ZNF354B: variants seen among roughly 807,000 people sequenced by gnomAD.
The protein encoded by ZNF354B is zinc finger protein 354B.
Under a neutral mutation model 12.9 loss-of-function variants are expected in ZNF354B, and 10 were observed. The ratio of observed to expected loss-of-function variants is 0.77; its 90% CI spans 0.48 to 1.31. The LOEUF is 1.31. Among genes scored for constraint, ZNF354B ranks in the 40% most tolerant of loss-of-function variants. The pLI is 0.00. For missense variants in ZNF354B, 614 were observed against 711.7 expected, an observed-to-expected ratio of 0.86 and a Z score of 1.56; for synonymous variants, 260 against 243.7, an observed-to-expected ratio of 1.07 and a Z score of -0.62.
chr5:178,873,982 C>T (rs562652341), intron 4 of ZNF354B, among the ~76,000 whole-genome samples: 59 of 144,782 alleles, frequency 4.1e-4, no homozygotes, highest in Non-Finnish European at 6.4e-4. Context: ...TGGAGTCTCA[C>T]ACACTCTGCT....
Position 178,867,078 on chromosome 5 carries a change from G to T in ZNF354B, c.256+7G>T. On this transcript the variant is annotated splice_region_variant and intron_variant, in intron 4 of 4. Coordinates refer to ENST00000322434, the MANE Select transcript of ZNF354B (RefSeq NM_058230.3). The stretch of plus-strand genomic sequence containing the variant: ...TCTGGTGTCTCCTCTCTAGGTAAGT[G>T]GGTGGCCCGAGGTGCTCGGGAATGG... 6.2e-7 allele frequency: 1 copy of T among 1,612,002 alleles called. No homozygotes were observed. Among genetic ancestry groups the T allele is most frequent in the Non-Finnish European group, 8.5e-7 (1 of 1,179,296 alleles).
chr5:178,881,480 T>C (rs570742252), intron 4 of ZNF354B, among the ~76,000 whole-genome samples: 5 of 152,326 alleles, frequency 3.3e-5, no homozygotes, highest in African/African-American at 1.2e-4. Flanking sequence ...TGTTCAGATA[T>C]ACTTTAATGT....
chr5:178,867,460 G>T (rs897817731), intron 4 of ZNF354B, among the ~76,000 whole-genome samples: 1 of 152,226 alleles, frequency 6.6e-6, no homozygotes, highest in Non-Finnish European at 1.5e-5. Flanking sequence ...GGGCACAGTT[G>T]TAAGAGGTGG....
In ZNF354B at chr5:178,866,318, A is replaced by T; in HGVS notation, c.108A>T (p.Arg36Ser). 1 of 1,614,088 alleles carries T rather than the reference A, an allele frequency of 6.2e-7. No homozygotes were observed. Among genetic ancestry groups the T allele is most frequent in the Non-Finnish European group, 8.5e-7 (1 of 1,179,988 alleles). ...GGAGAAAGCTGGCTCCTTCTCAGAGAAACTTGTACCGGGATGTGATGCTGG... is the reference window on the plus strand; with the variant it reads ...GGAGAAAGCTGGCTCCTTCTCAGAGTAACTTGTACCGGGATGTGATGCTGG... ...DEWRKLAPSQ[R>S]NLYRDVMLEN... The change falls in exon 3 of 5, where the codon AGA becomes AGT. Residue 36 changes from arginine (R) to serine (S), a missense_variant. Coordinates refer to ENST00000322434, the MANE Select transcript of ZNF354B (RefSeq NM_058230.3).
chr5:178,877,344 GT>G (rs1195165132), intron 4 of ZNF354B, among the ~76,000 whole-genome samples: 1 of 151,852 alleles, frequency 6.6e-6, no homozygotes, highest in Non-Finnish European at 1.5e-5. Flanking sequence ...TAATTTTTAT[GT>G]TTTTAGTAGA....
At chr5:178,881,103 C>T (rs1485275636) in intron 4 of ZNF354B, among the ~76,000 whole-genome samples, 1 of 152,100 alleles carries the variant, frequency 6.6e-6, no homozygotes, top group Non-Finnish European at 1.5e-5. Context: ...CTCAGCCTCC[C>T]AAAGTGCTGG....
chr5:178,865,332 A>G (rs563496716), intron 2 of ZNF354B, among the ~76,000 whole-genome samples: 60 of 151,832 alleles, frequency 4.0e-4, no homozygotes, highest in Non-Finnish European at 8.1e-4. Flanking sequence ...CAGTGGCATG[A>G]TCTCGGCTCA....
intron 2 of ZNF354B, among the ~76,000 whole-genome samples, chr5:178,865,504 T>C (rs1757433481): frequency 6.6e-6 from 1 of 152,132 alleles, no homozygotes; most frequent in African/African-American, 2.4e-5. Flanking sequence ...CTTGACCTTG[T>C]GATCCAGCCA....
In ZNF354B at chr5:178,882,733, C is replaced by A. The variant is rs1440218599; in HGVS notation, c.281C>A (p.Thr94Lys). ...SLGCKSTPKM[T>K]KSTQTQDSFQ... Reference sequence around the variant, plus strand: ...GGATGTAAGAGCACACCTAAAATGACAAAGTCAACTCAAACTCAGGATTCA... The same window carrying A: ...GGATGTAAGAGCACACCTAAAATGAAAAAGTCAACTCAAACTCAGGATTCA... Residue 94 changes from threonine (T) to lysine (K), a missense_variant, in exon 5 of 5, where the codon ACA becomes AAA. Coordinates refer to ENST00000322434, the MANE Select transcript of ZNF354B (RefSeq NM_058230.3). 6.4e-7 allele frequency: 1 copy of A among 1,567,972 alleles called. No homozygotes were observed. Among genetic ancestry groups the A allele is most frequent in the Non-Finnish European group, 8.6e-7 (1 of 1,167,292 alleles).
chr5:178,883,268 T>C lies in ZNF354B; in HGVS notation c.816T>C (p.Cys272=), dbSNP rs757047826. Residue 272 remains cysteine (C), a synonymous_variant, in exon 5 of 5, where the codon TGT becomes TGC. Transcript: ENST00000322434. ...ATACAGGAGAGAAACCCTATATATG[T>C]AAAGAATGTGGGAAAGCCTTCAGCC... The part of the protein sequence containing the change: ...RTHTGEKPYI[C]KECGKAFSHS... The C allele has an allele frequency of 7.0e-5, 113 of 1,613,104 alleles. No homozygotes were observed. Among genetic ancestry groups the C allele is most frequent in the Middle Eastern group, 1.6e-4 (1 of 6,078 alleles).
Position 178,884,303 on chromosome 5 carries a change from C to A in ZNF354B, c.*12C>A. ...ATTTGCATGTGTGAAAGCCTTAAAC[C>A]AAAACTCATCAGAGAATACATGCTT... is the stretch of plus-strand genomic sequence containing the variant. On this transcript the variant is annotated 3_prime_UTR_variant, in exon 5 of 5. Transcript: ENST00000322434. 6.4e-7 allele frequency: 1 copy of A among 1,554,606 alleles called. No homozygotes were observed. The highest frequency in any genetic ancestry group is 8.7e-7 in the Non-Finnish European group (1 of 1,154,954).
At chr5:178,878,808 T>C (rs561263006) in intron 4 of ZNF354B, among the ~76,000 whole-genome samples, 1 of 152,158 alleles carries the variant, frequency 6.6e-6, no homozygotes, top group African/African-American at 2.4e-5. Flanking sequence ...GTTCAAGTTA[T>C]TCTCTGCCTT....
At chr5:178,863,283 CGT>C (rs1243862370) in intron 2 of ZNF354B, among the ~76,000 whole-genome samples, 2 of 151,886 alleles carry the variant, frequency 1.3e-5, no homozygotes, top group African/African-American at 4.8e-5. Context: ...TTTATGGATA[CGT>C]GTGTATATAT....
chr5:178,876,482 G>T (rs953917421), intron 4 of ZNF354B, among the ~76,000 whole-genome samples: 1 of 152,244 alleles, frequency 6.6e-6, no homozygotes, highest in Non-Finnish European at 1.5e-5. Flanking sequence ...AGCCTAGGCA[G>T]GGCTGGTGTG....
intron 4 of ZNF354B, among the ~76,000 whole-genome samples, chr5:178,869,706 A>C (rs370046237): frequency 6.6e-6 from 1 of 151,950 alleles, no homozygotes; most frequent in East Asian, 1.9e-4. Context: ...CAGATTGGGG[A>C]GGATGGCCCT....
intron 4 of ZNF354B, among the ~76,000 whole-genome samples, chr5:178,880,150 A>C (rs1299788687): frequency 6.6e-6 from 1 of 152,128 alleles, no homozygotes; most frequent in East Asian, 1.9e-4. Context: ...AAAAAGTAGA[A>C]TAATATAATG....
intron 4 of ZNF354B, among the ~76,000 whole-genome samples, chr5:178,875,252 A>T (rs1321824328): frequency 6.6e-6 from 1 of 152,190 alleles, no homozygotes; most frequent in African/African-American, 2.4e-5. Context: ...GCTTGGAGGC[A>T]ACAGGGGAAG....
In ZNF354B at chr5:178,883,366, A is replaced by G. The variant is rs1371394808; in HGVS notation, c.914A>G (p.Lys305Arg). Residue 305 changes from lysine (K) to arginine (R), a missense_variant, in exon 5 of 5, where the codon AAA (lysine) becomes AGA (arginine). Physicochemically the swap from Lys to Arg is conservative, Grantham distance 26. Coordinates refer to ENST00000322434, the MANE Select transcript of ZNF354B (RefSeq NM_058230.3). ...TGCTATAGATGTAAAGAATGTGGTA[A>G]ATCCTTCAGTCGAAGGTCTGGGCTT... is the stretch of plus-strand genomic sequence containing the variant. The part of the protein sequence containing the change: ...EKCYRCKECG[K>R]SFSRRSGLFI... 1 of 1,614,114 alleles carries G rather than the reference A, an allele frequency of 6.2e-7. No individual in the cohort carries two copies. The highest frequency in any genetic ancestry group is 8.5e-7 in the Non-Finnish European group (1 of 1,179,984).
rs1757454210 is a variant in ZNF354B, at chr5:178,866,354, G to C, written c.144G>C (p.Arg48Ser). 1 of 1,613,096 alleles carries C rather than the reference G, an allele frequency of 6.2e-7. No individual in the cohort carries two copies. Among genetic ancestry groups the C allele is most frequent in the South Asian group, 1.1e-5 (1 of 90,938 alleles). The change falls in exon 3 of 5, where the codon AGG (arginine) becomes AGC (serine). Residue 48 changes from arginine (R) to serine (S), a missense_variant. Coordinates refer to ENST00000322434, the MANE Select transcript of ZNF354B (RefSeq NM_058230.3). Reference protein sequence around the residue: ...LYRDVMLENYRNLVSLGLSFT... With the variant: ...LYRDVMLENYSNLVSLGLSFT... ...GGGATGTGATGCTGGAGAACTATAG[G>C]AACCTGGTCTCACTGGGTAAGGAAA...
Sources: allele counts gnomAD v4.1 joint callset (sites outside exome capture counted in the v4.1 genomes callset), GRCh38; gene constraint gnomAD v4.1.1; transcripts MANE v1.5; gene names NCBI Gene and HGNC (gene_info 2026-07-23, HGNC 2026-07-21).